The following FBXL20 variants were observed in gnomAD, a reference collection of about 807,000 sequenced individuals.
FBXL20 encodes F-box/LRR-repeat protein 20.
In FBXL20, 11 loss-of-function variants were observed where a neutral mutation model predicts 64.0. The ratio of observed to expected loss-of-function variants is 0.17; its 90% CI spans 0.11 to 0.28. FBXL20 has a LOEUF of 0.28. FBXL20 is among the 10% of genes least tolerant of loss of function. FBXL20 has a pLI of 1.00. For missense variants in FBXL20, 303 were observed against 526.2 expected, an observed-to-expected ratio of 0.58 and a Z score of 4.15; for synonymous variants, 184 against 189.0, an observed-to-expected ratio of 0.97 and a Z score of 0.22.
At position 39,256,976 on chromosome 17, in the gene FBXL20, T is replaced by C. The variant is rs961676197; in HGVS notation, c.*4484A>G. ...GGGCTATCAAACTAGTAACGATGCA[T>C]TTTTTTCTTTCTTTCTTTCTTTTTT... On this transcript the variant is annotated 3_prime_UTR_variant, in exon 15 of 15. Transcript: ENST00000264658. The C allele has an allele frequency of 1.3e-5, 2 of 151,068 alleles. No homozygotes were observed. The highest frequency in any genetic ancestry group is 3.0e-5 in the Non-Finnish European group (2 of 67,690). The allele number at this position is 151,068 out of a possible 1,614,324, so 9.4% of individuals were successfully genotyped here.
At chr17:39,309,805 AG>A in intron 2 of FBXL20, among the ~76,000 whole-genome samples, 1 of 151,018 alleles carries the variant, frequency 6.6e-6, no homozygotes, top group Non-Finnish European at 1.5e-5. Context: ...AAAAAAAAAA[AG>A]AAAAGAAAAA....
In FBXL20 at chr17:39,286,353, A is replaced by G. The variant is rs563831515; in HGVS notation, c.399-780T>C. ...CTCAGCCTCCTAAGTAGCTGGGACC[A>G]CAGACACACACCACCACACCTAGCT... is the stretch of plus-strand genomic sequence containing the variant. On this transcript the variant is annotated intron_variant, in intron 6 of 14. Coordinates refer to ENST00000264658, the MANE Select transcript of FBXL20 (RefSeq NM_032875.3). 2.0e-5 allele frequency among the ~76,000 whole-genome samples: 3 copies of G among 152,194 alleles called. No homozygotes were observed. In the East Asian group the frequency reaches 5.8e-4, roughly 29 times the overall value.
At chr17:39,333,405 C>T (rs1013742609) in intron 2 of FBXL20, among the ~76,000 whole-genome samples, 15 of 152,250 alleles carry the variant, frequency 9.9e-5, no homozygotes, top group Admixed American at 8.5e-4. Flanking sequence ...CCTCGGCCTC[C>T]CGAGGTGCCG....
chr17:39,354,113 C>T (rs2047714033), intron 1 of FBXL20, among the ~76,000 whole-genome samples: 1 of 152,104 alleles, frequency 6.6e-6, no homozygotes, highest in South Asian at 2.1e-4. Flanking sequence ...CACATTCTGG[C>T]ATCTGTGAAA....
At chr17:39,295,807 T>TATATATATATATATATATATATA (rs1567867921) in intron 6 of FBXL20, among the ~76,000 whole-genome samples, 7 of 126,614 alleles carry the variant, frequency 5.5e-5, no homozygotes, top group Non-Finnish European at 8.7e-5. Context: ...ATATATATAT[T>TATATATATATATATATATATATA]AAGTCTTCTG....
At chr17:39,385,670 G>A (rs1424945750) in intron 1 of FBXL20, among the ~76,000 whole-genome samples, 2 of 152,166 alleles carry the variant, frequency 1.3e-5, no homozygotes, top group Admixed American at 1.3e-4. Flanking sequence ...CACAGAGACT[G>A]AGCAGTCCAA....
rs77654208 is a variant in FBXL20 at position 39,341,244 on chromosome 17, G to A, written c.104+1936C>T. Among the ~76,000 whole-genome samples the A allele has an allele frequency of 6.3e-3, 961 of 152,096 alleles. 16 individuals are homozygous for A. The highest frequency in any genetic ancestry group is 0.022 in the African/African-American group (919 of 41,520). On this transcript the variant is annotated intron_variant, in intron 2 of 14. Transcript: ENST00000264658. ...TCAGAATTGGTTGTTTGGAATTCAA[G>A]TTCATTTTCCCATAGAAATCATGTA...
intron 12 of FBXL20, among the ~76,000 whole-genome samples, chr17:39,268,258 C>A (rs1327557999): frequency 2.0e-5 from 3 of 152,130 alleles, no homozygotes; most frequent in African/African-American, 7.2e-5. Context: ...GAGGCCAAGG[C>A]AGGAGAATTG....
chr17:39,394,471 G>C (rs2048164035), intron 1 of FBXL20, among the ~76,000 whole-genome samples: 1 of 151,448 alleles, frequency 6.6e-6, no homozygotes, highest in Non-Finnish European at 1.5e-5. Flanking sequence ...TAGAGATGGG[G>C]TTTCACCGTG....
chr17:39,273,461 T>G (rs1198080234), intron 10 of FBXL20, among the ~76,000 whole-genome samples: 1 of 152,182 alleles, frequency 6.6e-6, no homozygotes, highest in Non-Finnish European at 1.5e-5. Context: ...GAATACTTGT[T>G]CCTACACTAA....
intron 4 of FBXL20, 42 bp from the exon 5 acceptor site, chr17:39,299,126 T>C: frequency 7.3e-7 from 1 of 1,375,662 alleles, no homozygotes. Context: ...ACCCACCTCA[T>C]TACTTTAGAA....
intron 1 of FBXL20, among the ~76,000 whole-genome samples, chr17:39,386,686 G>A (rs1271137629): frequency 6.6e-6 from 1 of 152,122 alleles, no homozygotes; most frequent in Non-Finnish European, 1.5e-5. Context: ...TTTTTAAAGA[G>A]TACCATTAGC....
intron 1 of FBXL20, among the ~76,000 whole-genome samples, chr17:39,374,000 T>G (rs1210578528): frequency 1.3e-5 from 2 of 151,916 alleles, no homozygotes; most frequent in Non-Finnish European, 2.9e-5. Context: ...GGAAGGTGGA[T>G]CATTTGAAGT....
upstream of FBXL20, chr17:39,402,477 C>G: frequency 5.2e-6 from 1 of 193,722 alleles, no homozygotes; most frequent in Non-Finnish European, 1.0e-5. Context: ...CACCTGAGGC[C>G]GGGGGTCGGG....
rs1453856951 is a variant in FBXL20, at chr17:39,260,609, A to G, written c.*851T>C. The G allele has an allele frequency of 6.6e-6, 1 of 152,390 alleles. No homozygotes were observed. The highest frequency in any genetic ancestry group is 1.9e-4 in the East Asian group (1 of 5,202). The allele number at this position is 152,390 out of a possible 1,614,324, so 9.4% of individuals were successfully genotyped here. A position where few individuals can be genotyped will look rare whatever the true frequency, so the allele number is the denominator to read the frequency against. Reference sequence around the variant, plus strand: ...TGGTAAAATTTAGAATTAAAAAAATATTTATTGATAATATCTTTTTAAAAA... The same window carrying G: ...TGGTAAAATTTAGAATTAAAAAAATGTTTATTGATAATATCTTTTTAAAAA... On this transcript the variant is annotated 3_prime_UTR_variant, in exon 15 of 15. Transcript: ENST00000264658.
At chr17:39,272,643 AG>A (rs1232116426) in intron 10 of FBXL20, among the ~76,000 whole-genome samples, 29 of 148,128 alleles carry the variant, frequency 2.0e-4, no homozygotes, top group African/African-American at 6.9e-4. Flanking sequence ...AGGAGGTTAC[AG>A]TGAGCCAAGA....
chr17:39,335,426 T>A, intron 2 of FBXL20, among the ~76,000 whole-genome samples: 1 of 151,672 alleles, frequency 6.6e-6, no homozygotes. Flanking sequence ...CTACTAAAAA[T>A]GCAAAAAATT....
At chr17:39,371,664 CTT>C (rs76801256) in intron 1 of FBXL20, among the ~76,000 whole-genome samples, 13 of 143,114 alleles carry the variant, frequency 9.1e-5, no homozygotes, top group Non-Finnish European at 6.2e-5. Flanking sequence ...TTACTTTTTT[CTT>C]TTTTTTTTTT....
chr17:39,296,132 C>T (rs886913489), intron 6 of FBXL20, among the ~76,000 whole-genome samples: 1 of 151,990 alleles, frequency 6.6e-6, no homozygotes, highest in Non-Finnish European at 1.5e-5. Context: ...ACACTAAGTA[C>T]TCAAAGGAAA....
Sources: allele counts gnomAD v4.1 joint callset (sites outside exome capture counted in the v4.1 genomes callset), GRCh38; gene constraint gnomAD v4.1.1; transcripts MANE v1.5; gene names NCBI Gene and HGNC (gene_info 2026-07-23, HGNC 2026-07-21).